The following ANK2 variants were observed in gnomAD, a reference collection of about 807,000 sequenced individuals.
ANK2 encodes the protein ankyrin-2.
A neutral mutation model predicts 360.5 loss-of-function variants in ANK2; 83 were observed. That is an observed-to-expected ratio of 0.23 (90% CI 0.19 to 0.28). The LOEUF (loss-of-function observed/expected upper bound fraction) is 0.28. ANK2 is among the 10% of genes least tolerant of loss of function. The pLI, the probability that ANK2 is intolerant of heterozygous loss-of-function variation, is 1.00. For missense variants in ANK2, 4,201 were observed against 4,795.7 expected, an observed-to-expected ratio of 0.88 and a Z score of 3.66; for synonymous variants, 1,740 against 1,759.5, an observed-to-expected ratio of 0.99 and a Z score of 0.28.
the ANK2 span, among the ~76,000 whole-genome samples, chr4:112,779,814 G>C: frequency 6.6e-6 from 1 of 152,186 alleles, no homozygotes. Context: ...GATAGAGCCT[G>C]ACATTCTGGT....
chr4:113,207,103 G>A (rs943225659), intron 4 of ANK2, among the ~76,000 whole-genome samples: 5 of 148,098 alleles, frequency 3.4e-5, no homozygotes, highest in African/African-American at 5.0e-5. Flanking sequence ...TCTACAAAGC[G>A]TGCACACGCA....
the ANK2 span, among the ~76,000 whole-genome samples, chr4:112,812,074 CAAAAAAAAAA>C: frequency 2.5e-5 from 2 of 79,144 alleles, no homozygotes; most frequent in East Asian, 3.9e-4. Context: ...GACTCCGTCT[CAAAAAAAAAA>C]AAAAAAAAAA....
At chr4:113,239,675 T>G (rs1349455787) in intron 7 of ANK2, among the ~76,000 whole-genome samples, 1 of 152,164 alleles carries the variant, frequency 6.6e-6, no homozygotes, top group Non-Finnish European at 1.5e-5. Flanking sequence ...GGAAATATAT[T>G]TTTTTCATTT....
intron 2 of ANK2, among the ~76,000 whole-genome samples, chr4:112,922,282 G>T (rs997932428): frequency 1.1e-4 from 16 of 152,160 alleles, no homozygotes; most frequent in African/African-American, 3.9e-4. Context: ...TTAAGTGGTT[G>T]TTCAATTCTC....
intron 42 of ANK2, 111 bp from the exon 43 acceptor site, chr4:113,369,403 A>T: frequency 9.1e-7 from 1 of 1,101,650 alleles, no homozygotes; most frequent in Non-Finnish European, 1.4e-6. Flanking sequence ...AACTATTTTG[A>T]CTGTCATAGA....
At chr4:112,828,985 C>T (rs1359209671) in intron 1 of ANK2, among the ~76,000 whole-genome samples, 3 of 152,100 alleles carry the variant, frequency 2.0e-5, no homozygotes, top group Non-Finnish European at 2.9e-5. Context: ...GAAACCCTGT[C>T]TCTACTAAAA....
At chr4:112,901,995 A>G (rs1297114321) in intron 1 of ANK2, among the ~76,000 whole-genome samples, 6 of 152,200 alleles carry the variant, frequency 3.9e-5, no homozygotes, top group Non-Finnish European at 1.5e-5. Flanking sequence ...AGGAAAGTGC[A>G]TTTTAAACTG....
intron 2 of ANK2, among the ~76,000 whole-genome samples, chr4:112,949,368 T>C (rs2094781531): frequency 6.6e-6 from 1 of 152,142 alleles, no homozygotes. Flanking sequence ...GCTTTTCTAA[T>C]ATGGGATAGG....
At chr4:113,162,086 T>C (rs2097558235) in intron 1 of ANK2, among the ~76,000 whole-genome samples, 1 of 152,218 alleles carries the variant, frequency 6.6e-6, no homozygotes, top group East Asian at 1.9e-4. Context: ...GGGTATTCTG[T>C]TCCCCTAAAT....
chr4:113,074,727 A>G (rs1324110864), intron 1 of ANK2, among the ~76,000 whole-genome samples: 1 of 152,230 alleles, frequency 6.6e-6, no homozygotes, highest in East Asian at 1.9e-4. Flanking sequence ...TGAGAAAAGA[A>G]TAAGGCCAGT....
Position 113,252,365 on chromosome 4 carries a change from T to A in ANK2, c.990+2503T>A, listed in dbSNP as rs568665711. Among the ~76,000 whole-genome samples, 9 of 152,240 alleles carry A rather than the reference T, an allele frequency of 5.9e-5. No individual in the cohort carries two copies. The South Asian group carries it at 1.9e-3, about 32-fold the overall frequency. Reference sequence around the variant, plus strand: ...GGGGACACAGCCAAACCATATTACCTTCCATAAAAACTCCTAGGTTTAAAT... The same window carrying A: ...GGGGACACAGCCAAACCATATTACCATCCATAAAAACTCCTAGGTTTAAAT... On this transcript the variant is annotated intron_variant, in intron 10 of 45. Transcript: ENST00000357077.
At chr4:112,859,537 G>A (rs565620088) in intron 1 of ANK2, among the ~76,000 whole-genome samples, 1 of 152,298 alleles carries the variant, frequency 6.6e-6, no homozygotes, top group East Asian at 1.9e-4. Flanking sequence ...CCCTCAGGGA[G>A]GAGAGCTGTC....
intron 1 of ANK2, among the ~76,000 whole-genome samples, chr4:112,864,529 C>T (rs1194239694): frequency 6.6e-6 from 1 of 151,880 alleles, no homozygotes; most frequent in South Asian, 2.1e-4. Flanking sequence ...AGGCTGGTCT[C>T]GAACTACCGA....
At chr4:112,787,276 A>T in the ANK2 span, among the ~76,000 whole-genome samples, 1 of 152,174 alleles carries the variant, frequency 6.6e-6, no homozygotes, top group Non-Finnish European at 1.5e-5. Context: ...AAAGTTCTTC[A>T]CATGTAAAGA....
chr4:112,717,829 C>A, the ANK2 span, among the ~76,000 whole-genome samples: 1 of 151,944 alleles, frequency 6.6e-6, no homozygotes, highest in Non-Finnish European at 1.5e-5. Flanking sequence ...TACAAAAGTA[C>A]CAGGGCTATT....
At chr4:112,712,403 TATA>T in the ANK2 span, among the ~76,000 whole-genome samples, 609 of 80,948 alleles carry the variant, frequency 7.5e-3, 2 homozygotes, top group Middle Eastern at 0.018. Context: ...TATATATATA[TATA>T]TTTTTTTTTT....
Position 113,382,585 on chromosome 4 carries a change from T to G in ANK2, c.*1114T>G, listed in dbSNP as rs1054627744. 8 of 152,682 alleles carry G rather than the reference T, an allele frequency of 5.2e-5. No individual in the cohort carries two copies. Among genetic ancestry groups the G allele is most frequent in the African/African-American group, 1.9e-4 (8 of 41,470 alleles). 9.5% of individuals were successfully genotyped at this position (152,682 alleles called of 1,614,324 possible). ...TTCATTGGAAACAAGATTTACCCAC[T>G]ACATAAAAGGTTAAACTCCTTCAGT... On this transcript the variant is annotated 3_prime_UTR_variant, in exon 46 of 46. Transcript: ENST00000357077.
intron 7 of ANK2, among the ~76,000 whole-genome samples, chr4:113,237,899 T>C (rs1389407775): frequency 2.0e-5 from 3 of 152,224 alleles, no homozygotes; most frequent in Admixed American, 1.3e-4. Context: ...GAGTGAGATT[T>C]ACTATTAACT....
At chr4:112,854,356 A>G (rs1381539125) in intron 1 of ANK2, among the ~76,000 whole-genome samples, 1 of 152,222 alleles carries the variant, frequency 6.6e-6, no homozygotes, top group African/African-American at 2.4e-5. Context: ...AAGGAACTTT[A>G]AGTGGTTTAA....
Sources: gnomAD v4.1 joint callset for allele counts (sites outside exome capture counted in the v4.1 genomes callset) on GRCh38, gnomAD v4.1.1 for gene constraint, MANE v1.5 for transcripts, NCBI Gene and HGNC (gene_info 2026-07-23, HGNC 2026-07-21) for gene names.